The following UTP20 variants were observed in gnomAD, a reference collection of about 807,000 sequenced individuals.
UTP20 encodes small subunit processome component 20 homolog.
UTP20 carries 164 observed loss-of-function variants against 329.5 expected under a neutral mutation model. The observed-to-expected ratio is 0.50, with a 90% CI of 0.44 to 0.57. UTP20 has a LOEUF of 0.57. Ranked by LOEUF, UTP20 falls within the 20% of genes least tolerant of loss-of-function variation. The pLI, the probability that UTP20 is intolerant of heterozygous loss-of-function variation, is 0.00. For missense variants in UTP20, 3,055 were observed against 3,284.2 expected, an observed-to-expected ratio of 0.93 and a Z score of 1.71; for synonymous variants, 1,151 against 1,159.3, an observed-to-expected ratio of 0.99 and a Z score of 0.14.
chr12:101,285,469 C>T, intron 2 of UTP20, 101 bp from the exon 3 acceptor site: 1 of 1,265,618 alleles, frequency 7.9e-7, no homozygotes, highest in Non-Finnish European at 1.1e-6. Flanking sequence ...TTAAACTCTT[C>T]AGTATCATTG....
chr12:101,288,656 A>G (rs996586658), intron 5 of UTP20, among the ~76,000 whole-genome samples: 2 of 152,136 alleles, frequency 1.3e-5, no homozygotes, highest in African/African-American at 2.4e-5. Context: ...TTTTATACCA[A>G]TAATATGGAC....
At position 101,296,512 on chromosome 12, in the gene UTP20, A is replaced by G. The variant is rs11110739; in HGVS notation, c.1430+854A>G. Among the ~76,000 whole-genome samples, 5,613 of 151,086 alleles carry G rather than the reference A, an allele frequency of 0.037. 630 individuals are homozygous for G. In the East Asian group the frequency reaches 0.46, roughly 12 times the overall value. On this transcript the variant is annotated intron_variant, in intron 12 of 61. Transcript: ENST00000261637. ...CGTGAACCCGGGAGGTGGAGCTTGC[A>G]GTGAGCCGAGATCACGCCACTGCCC...
At position 101,379,392 on chromosome 12, in the gene UTP20, G is replaced by A. The variant is rs1870572934; in HGVS notation, c.7418G>A (p.Arg2473Lys). 6.2e-7 allele frequency: 1 copy of A among 1,610,960 alleles called. No individual in the cohort carries two copies. Among genetic ancestry groups the A allele is most frequent in the South Asian group, 1.1e-5 (1 of 90,748 alleles). ...TTAGGTCATGTGCATTCTCACCTGA[G>A]ACATCCACACAACTGGGTGTGGCTC... ...KIWSHVHSHL[R>K]HPHNWVWLTA... The change falls in exon 57 of 62, where the codon AGA (arginine) becomes AAA (lysine). Residue 2473 changes from arginine to lysine, a missense_variant. Physicochemically the swap from Arg to Lys is conservative, Grantham distance 26 (BLOSUM62 2). This residue lies in a region of UTP20 where 273 missense variants were observed against 363.1 expected (regional missense o/e 0.75). Transcript: ENST00000261637.
intron 38 of UTP20, among the ~76,000 whole-genome samples, chr12:101,349,730 T>C (rs1289693512): frequency 6.6e-6 from 1 of 152,178 alleles, no homozygotes; most frequent in Non-Finnish European, 1.5e-5. Flanking sequence ...GTTGAGCCAC[T>C]GTTCCCAGCC....
chr12:101,306,905 G>A, intron 17 of UTP20, 144 bp downstream of exon 17: 1 of 749,520 alleles, frequency 1.3e-6, no homozygotes, highest in Non-Finnish European at 1.9e-6. Context: ...TGGGCGCGGT[G>A]GCTCACGCCT....
chr12:101,341,545 A>T (rs183609204), intron 32 of UTP20, among the ~76,000 whole-genome samples: 1 of 152,256 alleles, frequency 6.6e-6, no homozygotes, highest in African/African-American at 2.4e-5. Context: ...ACATTTCCAC[A>T]TATGTGGATT....
chr12:101,346,421 T>C lies in UTP20; in HGVS notation c.4747-30T>C, dbSNP rs1359740704. 2.6e-6 allele frequency: 4 copies of C among 1,558,186 alleles called. No homozygotes were observed. In the South Asian group the frequency reaches 3.7e-5, roughly 15 times the overall value. ...GCTGGTTGTAGGTGAGATTATTCGG[T>C]AACTAATTCATATTTTATCTTACCC... On this transcript the variant is annotated intron_variant, in intron 37 of 61. Transcript: ENST00000261637.
intron 56 of UTP20, among the ~76,000 whole-genome samples, chr12:101,377,443 G>C (rs542550012): frequency 2.0e-5 from 3 of 152,096 alleles, no homozygotes; most frequent in Non-Finnish European, 1.5e-5. Context: ...TGATTCTTCT[G>C]CCTCAGCCTC....
At chr12:101,385,037 A>C (rs1870778899) in intron 60 of UTP20, among the ~76,000 whole-genome samples, 1 of 150,892 alleles carries the variant, frequency 6.6e-6, no homozygotes, top group African/African-American at 2.4e-5. Flanking sequence ...GTGGCAGAGA[A>C]GGGTGGGAGA....
intron 21 of UTP20, 111 bp downstream of exon 21, chr12:101,312,387 C>A: frequency 7.0e-7 from 1 of 1,422,578 alleles, no homozygotes; most frequent in Non-Finnish European, 9.4e-7. Context: ...TTCTTTCTTT[C>A]TGCTTCCAAT....
At chr12:101,321,352 GA>G in intron 24 of UTP20, 151 bp from the exon 25 acceptor site, 3 of 1,110,420 alleles carry the variant, frequency 2.7e-6, no homozygotes, top group Non-Finnish European at 3.7e-6. Context: ...CATTTTAGGA[GA>G]TTTTTTTGAG....
intron 15 of UTP20, 27 bp downstream of exon 15, chr12:101,302,580 A>G (rs1283307202): frequency 6.9e-7 from 1 of 1,441,392 alleles, no homozygotes; most frequent in African/African-American, 1.4e-5. Flanking sequence ...CAGTTGGTTT[A>G]GTAATGAATA....
intron 25 of UTP20, among the ~76,000 whole-genome samples, chr12:101,322,414 T>A (rs1428861229): frequency 6.6e-6 from 1 of 152,224 alleles, no homozygotes; most frequent in East Asian, 1.9e-4. Flanking sequence ...AAATATCATG[T>A]GATATTTAAT....
chr12:101,309,607 C>G (rs1872726441), intron 18 of UTP20, among the ~76,000 whole-genome samples, 156 bp from the exon 19 acceptor site: 1 of 152,298 alleles, frequency 6.6e-6, no homozygotes. Flanking sequence ...AATTAGTATA[C>G]ATTGAATTTT....
Position 101,312,080 on chromosome 12 carries a change from G to C in UTP20, c.2356G>C (p.Asp786His). 1 of 1,614,236 alleles carries C rather than the reference G, an allele frequency of 6.2e-7. No individual in the cohort carries two copies. The highest frequency in any genetic ancestry group is 8.5e-7 in the Non-Finnish European group (1 of 1,180,046). ...NDMTDEKSVGDESWEQTQEGD... is the reference protein window; with the variant it reads ...NDMTDEKSVGHESWEQTQEGD... ...TATGACAGATGAGAAGTCCGTTGGA[G>C]ATGAAAGTTGGGAGCAGACCCAGGA... The change falls in exon 21 of 62, where the codon GAT (aspartate) becomes CAT (histidine). Residue 786 changes from aspartate to histidine, a missense_variant. Transcript: ENST00000261637.
intron 29 of UTP20, among the ~76,000 whole-genome samples, chr12:101,336,303 T>C (rs906605661): frequency 2.6e-5 from 4 of 152,172 alleles, no homozygotes; most frequent in Non-Finnish European, 5.9e-5. Context: ...TTAAAAAAAT[T>C]TAGATTTTGA....
At chr12:101,370,118 G>A (rs1206074323) in intron 49 of UTP20, among the ~76,000 whole-genome samples, 1 of 151,976 alleles carries the variant, frequency 6.6e-6, no homozygotes, top group Non-Finnish European at 1.5e-5. Context: ...TACTTGGGAT[G>A]CTGAGGCAGG....
chr12:101,291,715 T>C, intron 8 of UTP20, 27 bp from the exon 9 acceptor site: 1 of 1,536,820 alleles, frequency 6.5e-7, no homozygotes, highest in South Asian at 1.3e-5. Context: ...TACTTTATAT[T>C]CTCTCTGTTA....
At position 101,321,554 on chromosome 12, in the gene UTP20, T is replaced by A; in HGVS notation, c.2966T>A (p.Val989Glu). Residue 989 changes from valine (V) to glutamate (E), a missense_variant, in exon 25 of 62, where the codon GTG becomes GAG. By Grantham distance (121) the Val-to-Glu change is moderately radical. Coordinates refer to ENST00000261637, the MANE Select transcript of UTP20 (RefSeq NM_014503.3). Reference sequence around the variant, plus strand: ...GACAGAAGCTTTAAGGAAGAGATAGTGCATTTTAGCATTTCAGAAGATAAT... The same window carrying A: ...GACAGAAGCTTTAAGGAAGAGATAGAGCATTTTAGCATTTCAGAAGATAAT... ...LEDRSFKEEI[V>E]HFSISEDNAV... 1 of 1,613,692 alleles carries A rather than the reference T, an allele frequency of 6.2e-7. No individual in the cohort carries two copies. The highest frequency in any genetic ancestry group is 8.5e-7 in the Non-Finnish European group (1 of 1,179,788).
Sources: allele counts gnomAD v4.1 joint callset (sites outside exome capture counted in the v4.1 genomes callset), GRCh38; gene constraint gnomAD v4.1.1; regional missense constraint gnomAD v4.1.1; transcripts MANE v1.5; gene names NCBI Gene and HGNC (gene_info 2026-07-23, HGNC 2026-07-21).